GRIK1: variants seen among roughly 807,000 people sequenced by gnomAD.
GRIK1 encodes glutamate receptor ionotropic, kainate 1.
A neutral mutation model predicts 105.7 loss-of-function variants in GRIK1; 69 were observed. The observed-to-expected ratio is 0.65, with a 90% confidence interval of 0.54 to 0.80. The LOEUF (loss-of-function observed/expected upper bound fraction) is 0.80, where lower values mean the gene tolerates loss of function less well. Among genes scored for constraint, GRIK1 ranks in the 30% least tolerant of loss-of-function variants. The pLI, the probability that GRIK1 is intolerant of heterozygous loss-of-function variation, is 0.00. For synonymous variants in GRIK1, 438 were observed against 431.3 expected, an observed-to-expected ratio of 1.02 and a Z score of -0.19; for missense variants, 1,109 against 1,167.3, an observed-to-expected ratio of 0.95 and a Z score of 0.73.
At chr21:29,929,695 G>A (rs1602074774) in intron 1 of GRIK1, among the ~76,000 whole-genome samples, 1 of 152,324 alleles carries the variant, frequency 6.6e-6, no homozygotes, top group East Asian at 1.9e-4. Context: ...TGGTGAAAAG[G>A]CAACTCTTAC....
intron 8 of GRIK1, chr21:29,596,783 G>C: frequency 3.5e-6 from 2 of 577,596 alleles, no homozygotes; most frequent in East Asian, 3.0e-5. Flanking sequence ...CTGGTGGTAA[G>C]ACTCAATTTT....
intron 1 of GRIK1, among the ~76,000 whole-genome samples, chr21:29,840,578 A>T (rs1304183002): frequency 6.6e-6 from 1 of 152,170 alleles, no homozygotes; most frequent in Non-Finnish European, 1.5e-5. Context: ...TACTTAACCT[A>T]TAGAAACAAT....
chr21:29,814,057 G>C (rs1452218895), intron 1 of GRIK1, among the ~76,000 whole-genome samples: 1 of 148,232 alleles, frequency 6.7e-6, no homozygotes, highest in Non-Finnish European at 1.5e-5. Context: ...TGGGATTACA[G>C]GTGCGTGCCA....
At chr21:29,786,269 G>A (rs1048209123) in intron 1 of GRIK1, among the ~76,000 whole-genome samples, 1 of 152,216 alleles carries the variant, frequency 6.6e-6, no homozygotes, top group Non-Finnish European at 1.5e-5. Flanking sequence ...ATACCCGCGT[G>A]AGCCACAGCG....
intron 1 of GRIK1, among the ~76,000 whole-genome samples, chr21:29,843,480 A>G (rs1443615876): frequency 6.6e-6 from 1 of 152,226 alleles, no homozygotes. Flanking sequence ...CTGCTGATTG[A>G]TGGTTACATA....
chr21:29,689,418 G>C (rs1046642964), intron 3 of GRIK1, among the ~76,000 whole-genome samples: 2 of 152,022 alleles, frequency 1.3e-5, no homozygotes, highest in African/African-American at 4.8e-5. Flanking sequence ...AGTCTTATTA[G>C]AGCTGGAAAA....
chr21:29,762,634 C>T (rs758285498), intron 1 of GRIK1, among the ~76,000 whole-genome samples: 3 of 151,782 alleles, frequency 2.0e-5, no homozygotes, highest in Non-Finnish European at 4.4e-5. Flanking sequence ...GTGAGTTTCT[C>T]TTCACTCACT....
In GRIK1 at chr21:29,787,213, AT is replaced by A. The variant is rs147606927; in HGVS notation, c.119-93151del. Among the ~76,000 whole-genome samples, 66 of 152,316 alleles carry A rather than the reference AT, an allele frequency of 4.3e-4. No homozygotes were observed. In the East Asian group the frequency reaches 0.012, roughly 29 times the overall value. ...GGGAACATGACAGGTGCATTTATTAATACAGAGGACTTAGTGTTAGAATGCC... is the reference window on the plus strand; with the variant it reads ...GGGAACATGACAGGTGCATTTATTAAACAGAGGACTTAGTGTTAGAATGCC... On this transcript the variant is annotated intron_variant, in intron 1 of 17. Transcript: ENST00000327783.
chr21:29,682,757 G>C (rs1601441990), intron 3 of GRIK1, among the ~76,000 whole-genome samples: 1 of 152,258 alleles, frequency 6.6e-6, no homozygotes, highest in East Asian at 1.9e-4. Flanking sequence ...AAGAGAAATT[G>C]CAACAAAAAC....
intron 1 of GRIK1, among the ~76,000 whole-genome samples, chr21:29,743,529 G>A (rs2064978317): frequency 6.6e-6 from 1 of 151,842 alleles, no homozygotes. Context: ...AACTCCGTCT[G>A]TACTAAAAAT....
At chr21:29,785,725 G>C (rs186005954) in intron 1 of GRIK1, among the ~76,000 whole-genome samples, 1 of 152,144 alleles carries the variant, frequency 6.6e-6, no homozygotes, top group Non-Finnish European at 1.5e-5. Context: ...TGTAGCGAAT[G>C]AACAGAAACT....
rs2091114612 is a variant in GRIK1 at position 29,585,622 on chromosome 21, G to T, written c.1793+1744C>A. On this transcript the variant is annotated intron_variant, in intron 12 of 17. Transcript: ENST00000327783. ...ATGGAAACTACTGTTGCCCTGGGCT[G>T]CATGAATTGCTCCATCAGTCCTAGT... 2.0e-5 allele frequency among the ~76,000 whole-genome samples: 3 copies of T among 152,136 alleles called. No homozygotes were observed. In the South Asian group the frequency reaches 6.2e-4, roughly 32 times the overall value.
At chr21:29,699,718 G>A (rs1480266038) in intron 1 of GRIK1, among the ~76,000 whole-genome samples, 2 of 150,550 alleles carry the variant, frequency 1.3e-5, no homozygotes, top group Middle Eastern at 3.4e-3. Context: ...GCGCAATCTC[G>A]GCTCACTGCA....
intron 1 of GRIK1, among the ~76,000 whole-genome samples, chr21:29,766,684 C>T (rs774985841): frequency 2.6e-5 from 4 of 152,086 alleles, no homozygotes; most frequent in Admixed American, 1.3e-4. Context: ...GACAGCTGTT[C>T]GTGAGCATAG....
At chr21:29,759,370 G>C (rs2268210) in intron 1 of GRIK1, among the ~76,000 whole-genome samples, 1 of 151,920 alleles carries the variant, frequency 6.6e-6, no homozygotes, top group Non-Finnish European at 1.5e-5. Context: ...CGCCCGCCTC[G>C]GCCTCCTAAA....
chr21:29,608,226 G>T (rs750727941), intron 7 of GRIK1, among the ~76,000 whole-genome samples: 1 of 152,084 alleles, frequency 6.6e-6, no homozygotes, highest in Non-Finnish European at 1.5e-5. Context: ...TCTCTAGGGG[G>T]TTGTTTTATG....
intron 1 of GRIK1, among the ~76,000 whole-genome samples, chr21:29,937,630 A>G (rs2071810368): frequency 6.6e-6 from 1 of 152,158 alleles, no homozygotes; most frequent in Non-Finnish European, 1.5e-5. Context: ...ATGCTACCTT[A>G]TATTTGTTAT....
chr21:29,601,137 C>G (rs2061510196), intron 7 of GRIK1: 2 of 435,552 alleles, frequency 4.6e-6, no homozygotes, highest in African/African-American at 2.0e-5. Flanking sequence ...AGACAGCCCT[C>G]TCCACGTGAG....
chr21:29,583,681 A>C (rs1370811986), intron 12 of GRIK1, among the ~76,000 whole-genome samples: 1 of 152,224 alleles, frequency 6.6e-6, no homozygotes, highest in Admixed American at 6.5e-5. Context: ...CCTGCTCTGC[A>C]GAGATATTTT....
Sources: allele counts gnomAD v4.1 joint callset (sites outside exome capture counted in the v4.1 genomes callset), GRCh38; gene constraint gnomAD v4.1.1; transcripts MANE v1.5; gene names NCBI Gene and HGNC (gene_info 2026-07-23, HGNC 2026-07-21).